Variants in ATP13A4 observed in about 807,000 individuals in gnomAD.
The protein encoded by ATP13A4 is probable cation-transporting ATPase 13A4.
ATP13A4 carries 114 observed loss-of-function variants against 142.5 expected under a neutral mutation model. The observed-to-expected ratio is 0.80, with a 90% CI of 0.69 to 0.93. The LOEUF is 0.93. ATP13A4 is among the 40% of genes least tolerant of loss of function. The probability of loss-of-function intolerance (pLI) is 0.00; values close to 1 mark genes in which losing one functional copy is unlikely to be tolerated. For missense variants in ATP13A4, 1,392 were observed against 1,454.0 expected (o/e 0.96, Z 0.69); for synonymous variants, 488 against 514.8 (o/e 0.95, Z 0.70).
intron 2 of ATP13A4, among the ~76,000 whole-genome samples, chr3:193,513,665 G>A (rs559175735): frequency 6.9e-4 from 105 of 152,230 alleles, no homozygotes; most frequent in Non-Finnish European, 1.4e-3. Context: ...CAAGGAATTG[G>A]TATGGAAGGA....
chr3:193,507,367 C>A (rs1720913300), intron 2 of ATP13A4, among the ~76,000 whole-genome samples: 1 of 151,992 alleles, frequency 6.6e-6, no homozygotes, highest in Non-Finnish European at 1.5e-5. Context: ...CCTGGCCAGA[C>A]TCATTGATGC....
At chr3:193,418,569 C>T (rs80205211) in intron 25 of ATP13A4, among the ~76,000 whole-genome samples, 4,132 of 149,622 alleles carry the variant, frequency 0.028, 212 homozygotes, top group Non-Finnish European at 0.035. Context: ...CAACACCCCA[C>T]TCTCTAGCCA....
Position 193,402,721 on chromosome 3 carries a change from G to A in ATP13A4, c.3522C>T (p.Asp1174=). 2 of 1,519,462 alleles carry A rather than the reference G, an allele frequency of 1.3e-6. No homozygotes were observed. Among genetic ancestry groups the A allele is most frequent in the Non-Finnish European group, 1.8e-6 (2 of 1,093,838 alleles). The allele number at this position is 1,519,462 out of a possible 1,614,324, so 94.1% of individuals were successfully genotyped here. The change falls in exon 30 of 30, where the codon GAC becomes GAT. Residue 1174 remains aspartate, a synonymous_variant. Coordinates refer to ENST00000342695, the MANE Select transcript of ATP13A4 (RefSeq NM_032279.4). ...WPPLNQTSHS[D]MPECGRGVSY... ...ACACTCCTCTGCCACACTCCGGCAT[G>A]TCAGAGTGGGAGGTTTGGTTTAGCG... is the stretch of plus-strand genomic sequence containing the variant.
Position 193,402,066 on chromosome 3 carries a change from T to A in ATP13A4, c.*586A>T, listed in dbSNP as rs1380243326. The A allele has an allele frequency of 6.5e-6, 1 of 153,900 alleles. No individual in the cohort carries two copies. The highest frequency in any genetic ancestry group is 1.4e-5 in the Non-Finnish European group (1 of 69,206). The allele number at this position is 153,900 out of a possible 1,614,324, so 9.5% of individuals were successfully genotyped here. On this transcript the variant is annotated 3_prime_UTR_variant, in exon 30 of 30. Transcript: ENST00000342695. The stretch of plus-strand genomic sequence containing the variant: ...GATCACGAAAGAAGCACTTGTGTGT[T>A]AAGGCACTGATATCTGAGAGTTGTT...
intron 1 of ATP13A4, among the ~76,000 whole-genome samples, chr3:193,526,093 C>G (rs374262939): frequency 2.6e-5 from 4 of 152,074 alleles, no homozygotes. Context: ...TAGGCCATAT[C>G]ATTTATGAAA....
At chr3:193,404,434 G>A (rs1261253777) in intron 29 of ATP13A4, among the ~76,000 whole-genome samples, 1 of 152,174 alleles carries the variant, frequency 6.6e-6, no homozygotes, top group African/African-American at 2.4e-5. Context: ...GGCAGAACTA[G>A]TGACATGATC....
chr3:193,464,721 C>A (rs1718160142), intron 12 of ATP13A4, among the ~76,000 whole-genome samples: 1 of 152,118 alleles, frequency 6.6e-6, no homozygotes, highest in East Asian at 1.9e-4. Flanking sequence ...CTGGAAGGAC[C>A]CAAAAAGATT....
chr3:193,471,693 CAA>C (rs398072046), intron 8 of ATP13A4, among the ~76,000 whole-genome samples: 1 of 144,082 alleles, frequency 6.9e-6, no homozygotes, highest in Non-Finnish European at 1.5e-5. Context: ...CACACACACA[CAA>C]ACACAAACAC....
At chr3:193,459,886 G>T (rs956869160) in intron 13 of ATP13A4, among the ~76,000 whole-genome samples, 52 of 152,176 alleles carry the variant, frequency 3.4e-4, no homozygotes, top group Non-Finnish European at 2.2e-4. Context: ...AATGTCATAT[G>T]CAGGCTTCCT....
In ATP13A4 at chr3:193,470,967, C is replaced by T. The variant is rs764306291; in HGVS notation, c.835G>A (p.Val279Ile). 18 of 1,614,024 alleles carry T rather than the reference C, an allele frequency of 1.1e-5. No homozygotes were observed. Among genetic ancestry groups the T allele is most frequent in the African/African-American group, 2.7e-5 (2 of 74,920 alleles). ...KAGVQELESR[V>I]LVPGDLLILT... The stretch of plus-strand genomic sequence containing the variant: ...ATTAATAAATCTCCAGGCACCAGGA[C>T]GCGTGATTCCAGCTCTTGAACTCCA... The change falls in exon 9 of 30, where the codon GTC becomes ATC. Residue 279 changes from valine to isoleucine, a missense_variant. Coordinates refer to ENST00000342695, the MANE Select transcript of ATP13A4 (RefSeq NM_032279.4).
At chr3:193,413,536 C>A (rs892474452) in intron 26 of ATP13A4, among the ~76,000 whole-genome samples, 2 of 152,066 alleles carry the variant, frequency 1.3e-5, no homozygotes, top group Non-Finnish European at 2.9e-5. Flanking sequence ...GGGAAGAGAC[C>A]GTTGAATTCT....
intron 28 of ATP13A4, among the ~76,000 whole-genome samples, chr3:193,408,422 A>T (rs1714608818): frequency 6.6e-6 from 1 of 152,252 alleles, no homozygotes; most frequent in African/African-American, 2.4e-5. Flanking sequence ...ATAAAATATT[A>T]TATTAGCATT....
intron 28 of ATP13A4, among the ~76,000 whole-genome samples, chr3:193,408,921 T>C (rs556404399): frequency 6.6e-6 from 1 of 152,290 alleles, no homozygotes; most frequent in African/African-American, 2.4e-5. Context: ...TAAACTCAAC[T>C]TGTCATCTAC....
intron 1 of ATP13A4, among the ~76,000 whole-genome samples, chr3:193,549,302 C>CA (rs199972539): frequency 3.7e-3 from 505 of 138,134 alleles, no homozygotes; most frequent in Non-Finnish European, 4.4e-3. Flanking sequence ...TTCATCACAG[C>CA]AAAAAAAAAA....
intron 3 of ATP13A4, among the ~76,000 whole-genome samples, chr3:193,499,421 T>C (rs1560234872): frequency 6.6e-6 from 1 of 152,366 alleles, no homozygotes; most frequent in East Asian, 1.9e-4. Flanking sequence ...AGCAGGATTG[T>C]AATCACAGCT....
chr3:193,579,957 G>A (rs1724498119), intron 2 of ATP13A4, among the ~76,000 whole-genome samples: 1 of 152,150 alleles, frequency 6.6e-6, no homozygotes, highest in Admixed American at 6.6e-5. Flanking sequence ...AAATGGCATT[G>A]AACCTCAAAT....
Position 193,588,711 on chromosome 3 carries a change from G to C in ATP13A4, n.91+4310C>G, listed in dbSNP as rs148530292. On this transcript the variant is annotated intron_variant and non_coding_transcript_variant, in intron 1 of 3. Coordinates refer to the ATP13A4 transcript ENST00000489140. ...ACACTATAGTCTGCCTCTGTGGGTA[G>C]TAACTGTTGCTACCCATTACTTGGT... Among the ~76,000 whole-genome samples the C allele has an allele frequency of 5.8e-3, 889 of 152,202 alleles. 10 individuals carry two copies. Among genetic ancestry groups the C allele is most frequent in the Non-Finnish European group, 0.01 (702 of 68,010 alleles).
rs1242106674 is a variant in ATP13A4 at position 193,491,559 on chromosome 3, G to A, written c.534-161C>T. Among the ~76,000 whole-genome samples the A allele has an allele frequency of 2.0e-3, 309 of 152,210 alleles. 2 individuals are homozygous for A. The highest frequency in any genetic ancestry group is 7.2e-3 in the African/African-American group (298 of 41,524). ...CATTCTGATCCTTCTCAAAATAATG[G>A]GAGGTGAGGGTTCCCAGTTGCAAAA... On this transcript the variant is annotated intron_variant, in intron 5 of 29. Coordinates refer to ENST00000342695, the MANE Select transcript of ATP13A4 (RefSeq NM_032279.4).
chr3:193,590,348 A>G (rs1386902419), intron 1 of ATP13A4, among the ~76,000 whole-genome samples: 1 of 152,202 alleles, frequency 6.6e-6, no homozygotes, highest in East Asian at 1.9e-4. Flanking sequence ...GTCATGAGTC[A>G]TAAGTCTCGA....
Sources: gnomAD v4.1 joint callset for allele counts (sites outside exome capture counted in the v4.1 genomes callset) on GRCh38, gnomAD v4.1.1 for gene constraint, MANE v1.5 for transcripts, NCBI Gene and HGNC (gene_info 2026-07-23, HGNC 2026-07-21) for gene names.